The following KLF12 variants were observed in gnomAD, a reference collection of about 807,000 sequenced individuals.
KLF12 encodes KLF transcription factor 12, also known as Krueppel-like factor 12.
In KLF12, 9 loss-of-function variants were observed where a neutral mutation model predicts 37.8. That is an observed-to-expected ratio of 0.24 (90% CI 0.14 to 0.42). KLF12 has a LOEUF of 0.42. Ranked by LOEUF, KLF12 falls within the 10% of genes least tolerant of loss-of-function variation. KLF12 has a pLI of 1.00. For missense variants in KLF12, 411 were observed against 516.0 expected, an observed-to-expected ratio of 0.80 and a Z score of 1.97; for synonymous variants, 208 against 202.1, an observed-to-expected ratio of 1.03 and a Z score of -0.25.
chr13:73,968,505 C>G (rs1034363056), intron 2 of KLF12, among the ~76,000 whole-genome samples: 3 of 152,108 alleles, frequency 2.0e-5, no homozygotes, highest in Non-Finnish European at 4.4e-5. Context: ...AGCTTTATTT[C>G]AAGCCACCGA....
chr13:74,039,858 G>C (rs958694282), intron 1 of KLF12, among the ~76,000 whole-genome samples: 3 of 152,182 alleles, frequency 2.0e-5, no homozygotes, highest in Admixed American at 2.0e-4. Flanking sequence ...ACATAACACT[G>C]TCCTGTCATG....
intron 6 of KLF12, among the ~76,000 whole-genome samples, chr13:73,753,377 C>T (rs1222103119): frequency 6.6e-6 from 1 of 152,110 alleles, no homozygotes; most frequent in African/African-American, 2.4e-5. Context: ...GCCAAGTCAC[C>T]TCCTTTCAAG....
At chr13:74,226,923 CCCAGTGAAAGAGTCT>C in the KLF12 span, among the ~76,000 whole-genome samples, 1 of 152,058 alleles carries the variant, frequency 6.6e-6, no homozygotes, top group Non-Finnish European at 1.5e-5. Context: ...TACCCACAGT[CCCAGTGAAAGAGTCT>C]CCTAACAGAT....
chr13:73,939,847 C>T (rs946701145), intron 3 of KLF12, among the ~76,000 whole-genome samples: 7 of 152,140 alleles, frequency 4.6e-5, no homozygotes, highest in Non-Finnish European at 1.0e-4. Flanking sequence ...CACTTCCATA[C>T]ACAGGAAGCT....
chr13:73,780,341 TG>T (rs1203474927), intron 5 of KLF12, among the ~76,000 whole-genome samples: 4 of 152,198 alleles, frequency 2.6e-5, no homozygotes, highest in Non-Finnish European at 4.4e-5. Flanking sequence ...ACCTGTCACC[TG>T]AGCAGCGTAC....
intron 6 of KLF12, among the ~76,000 whole-genome samples, chr13:73,748,649 T>G (rs1384719219): frequency 6.6e-6 from 1 of 152,214 alleles, no homozygotes; most frequent in Non-Finnish European, 1.5e-5. Context: ...GAAATAGTCC[T>G]GTGGTTTTAG....
In KLF12 at chr13:73,695,445, G is replaced by A. The variant is rs747356696; in HGVS notation, c.*45C>T. On this transcript the variant is annotated 3_prime_UTR_variant, in exon 8 of 8. Coordinates refer to ENST00000377669, the MANE Select transcript of KLF12 (RefSeq NM_007249.5). ...ATTCAGCCCTGCTGAATTGGGTGCC[G>A]CTAAGAGATCCAGCTCTTACGCTCA... The A allele has an allele frequency of 3.1e-6, 5 of 1,588,368 alleles. No individual in the cohort carries two copies. The highest frequency in any genetic ancestry group is 4.3e-6 in the Non-Finnish European group (5 of 1,159,926).
At position 74,059,485 on chromosome 13, in the gene KLF12, TATC is replaced by T. The variant is rs1016450981; in HGVS notation, c.-31-64435_-31-64433del. 8.5e-5 allele frequency among the ~76,000 whole-genome samples: 13 copies of T among 152,256 alleles called. 1 individual carries two copies. The highest frequency in any genetic ancestry group is 7.8e-4 in the Admixed American group (12 of 15,288). On this transcript the variant is annotated intron_variant, in intron 1 of 7. Coordinates refer to ENST00000377669, the MANE Select transcript of KLF12 (RefSeq NM_007249.5). ...TAATAATTGCTATTCTGACAATTATTATCATGTGTAAGATGATATCTCATTGTG... is the reference window on the plus strand; with the variant it reads ...TAATAATTGCTATTCTGACAATTATTATGTGTAAGATGATATCTCATTGTG...
the KLF12 span, among the ~76,000 whole-genome samples, chr13:74,204,356 A>G: frequency 6.6e-6 from 1 of 152,154 alleles, no homozygotes; most frequent in African/African-American, 2.4e-5. Context: ...TATATTTTGT[A>G]ATGGGAAAGT....
chr13:73,886,831 A>C (rs1266592245), intron 3 of KLF12, among the ~76,000 whole-genome samples: 1 of 152,048 alleles, frequency 6.6e-6, no homozygotes, highest in Non-Finnish European at 1.5e-5. Flanking sequence ...GTCTCTACTA[A>C]AAATACAAAC....
At chr13:73,886,201 A>G (rs17061643) in intron 3 of KLF12, among the ~76,000 whole-genome samples, 12,423 of 152,242 alleles carry the variant, frequency 0.082, 529 homozygotes, top group Middle Eastern at 0.11. Flanking sequence ...ATGTATCCTC[A>G]ATGGGAAATG....
chr13:74,211,653 G>A, the KLF12 span, among the ~76,000 whole-genome samples: 1 of 152,042 alleles, frequency 6.6e-6, no homozygotes, highest in Admixed American at 6.6e-5. Context: ...GTTTTTAGGA[G>A]GCAAACATTT....
At chr13:74,271,242 C>A in the KLF12 span, among the ~76,000 whole-genome samples, 1 of 152,184 alleles carries the variant, frequency 6.6e-6, no homozygotes, top group African/African-American at 2.4e-5. Context: ...AAACCAGTCC[C>A]TGATGCCAAA....
chr13:73,811,363 T>C (rs1263903019), intron 5 of KLF12, among the ~76,000 whole-genome samples: 2 of 152,134 alleles, frequency 1.3e-5, no homozygotes, highest in African/African-American at 4.8e-5. Flanking sequence ...AGTTCTAAAC[T>C]TTGTCTTGTT....
chr13:73,740,745 A>C (rs903408977), intron 6 of KLF12, among the ~76,000 whole-genome samples: 3 of 152,194 alleles, frequency 2.0e-5, no homozygotes, highest in Non-Finnish European at 4.4e-5. Flanking sequence ...AATCAGGGAA[A>C]GCATTCTTCC....
chr13:74,219,602 T>A, the KLF12 span, among the ~76,000 whole-genome samples: 1 of 152,224 alleles, frequency 6.6e-6, no homozygotes, highest in African/African-American at 2.4e-5. Context: ...CTAAAAAATT[T>A]TTTTAGAAAA....
intron 4 of KLF12, among the ~76,000 whole-genome samples, chr13:73,814,847 T>C (rs1438396928): frequency 6.6e-6 from 1 of 151,982 alleles, no homozygotes; most frequent in African/African-American, 2.4e-5. Flanking sequence ...AGTCAGCCTC[T>C]CACAGCAAAG....
At chr13:73,757,439 A>G (rs17090396) in intron 6 of KLF12, among the ~76,000 whole-genome samples, 2,301 of 152,324 alleles carry the variant, frequency 0.015, 49 homozygotes, top group African/African-American at 0.049. Context: ...GAAATGTAAT[A>G]AATAGCTAGT....
chr13:73,957,809 CAA>C (rs1890889998), intron 2 of KLF12, among the ~76,000 whole-genome samples: 1 of 152,028 alleles, frequency 6.6e-6, no homozygotes, highest in Admixed American at 6.5e-5. Context: ...AAAATGATCA[CAA>C]GTTATGTAAA....
Sources: gnomAD v4.1 joint callset for allele counts (sites outside exome capture counted in the v4.1 genomes callset) on GRCh38, gnomAD v4.1.1 for gene constraint, MANE v1.5 for transcripts, NCBI Gene and HGNC (gene_info 2026-07-23, HGNC 2026-07-21) for gene names.